Variants in DCDC1 observed in about 807,000 individuals in gnomAD.
DCDC1 encodes the protein doublecortin domain-containing protein 1.
DCDC1 carries 200 observed loss-of-function variants against 178.3 expected under a neutral mutation model. The ratio of observed to expected loss-of-function variants is 1.12; its 90% CI spans 1.00 to 1.26. The LOEUF (loss-of-function observed/expected upper bound fraction) is 1.26, where lower values mean the gene tolerates loss of function less well. Ranked by LOEUF, DCDC1 falls within the 50% of genes most tolerant of loss-of-function variation. The pLI is 0.00. For missense variants in DCDC1, 1,983 were observed against 1,749.2 expected, an observed-to-expected ratio of 1.13 and a Z score of -2.38; for synonymous variants, 690 against 604.8, an observed-to-expected ratio of 1.14 and a Z score of -2.07.
chr11:31,248,696 A>G (rs1193905185), intron 8 of DCDC1, among the ~76,000 whole-genome samples: 4 of 152,138 alleles, frequency 2.6e-5, no homozygotes, highest in Admixed American at 1.3e-4. Flanking sequence ...GACAGACTAA[A>G]AAAAGCCCTA....
chr11:31,132,032 G>A (rs934839431), intron 10 of DCDC1, among the ~76,000 whole-genome samples: 16 of 152,186 alleles, frequency 1.1e-4, no homozygotes, highest in Admixed American at 3.3e-4. Context: ...AGTTTCATCC[G>A]GCATAGATTT....
chr11:31,082,735 T>C (rs1001196835), intron 17 of DCDC1, among the ~76,000 whole-genome samples: 1 of 152,150 alleles, frequency 6.6e-6, no homozygotes, highest in Non-Finnish European at 1.5e-5. Context: ...GTTTATACAC[T>C]CACACATTCA....
chr11:31,002,663 C>T (rs949121934), intron 20 of DCDC1, among the ~76,000 whole-genome samples: 5 of 152,138 alleles, frequency 3.3e-5, no homozygotes, highest in Non-Finnish European at 7.4e-5. Flanking sequence ...TTTTCTTACA[C>T]ACTACCTTCA....
chr11:31,271,857 T>G (rs1264938627), intron 7 of DCDC1, among the ~76,000 whole-genome samples: 1 of 152,040 alleles, frequency 6.6e-6, no homozygotes, highest in Non-Finnish European at 1.5e-5. Context: ...GGGAAACTTC[T>G]CCTTATAAAA....
chr11:30,989,749 A>G (rs1289357240), intron 20 of DCDC1, among the ~76,000 whole-genome samples: 1 of 152,144 alleles, frequency 6.6e-6, no homozygotes, highest in African/African-American at 2.4e-5. Context: ...TGCATTCAAG[A>G]TATTTCTCAT....
chr11:30,907,807 G>A (rs1400529968), intron 29 of DCDC1, among the ~76,000 whole-genome samples: 1 of 152,068 alleles, frequency 6.6e-6, no homozygotes, highest in Non-Finnish European at 1.5e-5. Context: ...CTAATCGCCG[G>A]CTCGCCAAGC....
intron 7 of DCDC1, among the ~76,000 whole-genome samples, chr11:31,284,521 G>C (rs1436241837): frequency 6.6e-6 from 1 of 151,908 alleles, no homozygotes; most frequent in Non-Finnish European, 1.5e-5. Context: ...AACCATTATT[G>C]TTATATGTTC....
intron 6 of DCDC1, among the ~76,000 whole-genome samples, chr11:31,304,021 AAC>A (rs1948295918): frequency 6.6e-6 from 1 of 152,192 alleles, no homozygotes; most frequent in Admixed American, 6.6e-5. Context: ...GTCACAGTGA[AAC>A]ACAGCCAAAG....
intron 36 of DCDC1, among the ~76,000 whole-genome samples, chr11:30,887,306 G>A (rs571611959): frequency 5.9e-5 from 9 of 152,192 alleles, no homozygotes; most frequent in Admixed American, 5.9e-4. Context: ...GAGATATAAG[G>A]CATGACAACA....
At chr11:31,309,253 CAT>C (rs1161639938) in intron 3 of DCDC1, among the ~76,000 whole-genome samples, 7 of 152,046 alleles carry the variant, frequency 4.6e-5, no homozygotes, top group South Asian at 4.1e-4. Flanking sequence ...GTTATCATCA[CAT>C]GTTTCTATCC....
intron 20 of DCDC1, among the ~76,000 whole-genome samples, chr11:30,986,718 T>C (rs1950668583): frequency 2.6e-5 from 4 of 152,102 alleles, no homozygotes; most frequent in Admixed American, 2.6e-4. Flanking sequence ...GTTTCCACCC[T>C]TAATAATTAA....
At chr11:31,089,173 T>A (rs1390237108) in intron 17 of DCDC1, among the ~76,000 whole-genome samples, 1 of 152,188 alleles carries the variant, frequency 6.6e-6, no homozygotes, top group African/African-American at 2.4e-5. Context: ...TTGCCTTAAT[T>A]TTTGAAAGAC....
chr11:31,028,621 A>C (rs1277503289), intron 20 of DCDC1, among the ~76,000 whole-genome samples: 3 of 152,058 alleles, frequency 2.0e-5, no homozygotes, highest in African/African-American at 7.2e-5. Flanking sequence ...TAGACTAGCA[A>C]ATTTGAAATG....
intron 9 of DCDC1, among the ~76,000 whole-genome samples, chr11:31,168,129 A>G (rs7927999): frequency 0.025 from 3,744 of 152,204 alleles, 144 homozygotes; most frequent in African/African-American, 0.084. Flanking sequence ...ACAACCATCA[A>G]CACTGGTTTC....
chr11:30,924,021 G>A (rs1946435690), intron 23 of DCDC1, among the ~76,000 whole-genome samples: 1 of 152,126 alleles, frequency 6.6e-6, no homozygotes, highest in Admixed American at 6.6e-5. Flanking sequence ...CTTCAGAGCA[G>A]TGACAGATTA....
At chr11:31,294,798 A>AAAG (rs1947519905) in intron 6 of DCDC1, among the ~76,000 whole-genome samples, 4 of 125,232 alleles carry the variant, frequency 3.2e-5, no homozygotes, top group African/African-American at 6.1e-5. Flanking sequence ...AAAATAAAGA[A>AAAG]AAAGAAAGAA....
At chr11:30,969,324 AGAG>A (rs1349066462) in intron 20 of DCDC1, among the ~76,000 whole-genome samples, 1 of 152,188 alleles carries the variant, frequency 6.6e-6, no homozygotes, top group Non-Finnish European at 1.5e-5. Context: ...ACACTACAAA[AGAG>A]GAGAAGGCAA....
At chr11:30,954,173 G>A (rs1483441701) in intron 20 of DCDC1, among the ~76,000 whole-genome samples, 11 of 151,700 alleles carry the variant, frequency 7.3e-5, no homozygotes, top group South Asian at 2.1e-4. Context: ...CTGCCACCAC[G>A]CCCGGCTATT....
chr11:31,273,877 T>TA (rs1945775972), intron 7 of DCDC1, among the ~76,000 whole-genome samples: 1 of 152,162 alleles, frequency 6.6e-6, no homozygotes, highest in South Asian at 2.1e-4. Context: ...AGTCATGTCT[T>TA]ACATGGATGG....
Sources: allele counts gnomAD v4.1 joint callset (sites outside exome capture counted in the v4.1 genomes callset), GRCh38; gene constraint gnomAD v4.1.1; transcripts MANE v1.5; gene names NCBI Gene and HGNC (gene_info 2026-07-23, HGNC 2026-07-21).